The following HIVEP1 variants were observed in gnomAD, a reference collection of about 807,000 sequenced individuals.
HIVEP1 encodes the protein zinc finger protein 40.
A neutral mutation model predicts 180.0 loss-of-function variants in HIVEP1; 36 were observed. The ratio of observed to expected loss-of-function variants is 0.20; its 90% CI spans 0.15 to 0.26. The LOEUF (loss-of-function observed/expected upper bound fraction) is 0.26, where lower values mean the gene tolerates loss of function less well. HIVEP1 is among the 10% of genes least tolerant of loss of function. The probability of loss-of-function intolerance (pLI) is 1.00; values close to 1 mark genes in which losing one functional copy is unlikely to be tolerated. For synonymous variants in HIVEP1, 1,239 were observed against 1,239.0 expected (o/e 1.00, Z 0.00); for missense variants, 3,143 against 3,268.7 (o/e 0.96, Z 0.94).
intron 2 of HIVEP1, among the ~76,000 whole-genome samples, chr6:12,034,164 G>A (rs1292315886): frequency 2.0e-5 from 3 of 152,182 alleles, no homozygotes; most frequent in African/African-American, 7.2e-5. Context: ...TTTAGCACCT[G>A]CATTTTTTTG....
At chr6:12,014,251 T>G (rs1183165946) in intron 1 of HIVEP1, among the ~76,000 whole-genome samples, 2 of 152,234 alleles carry the variant, frequency 1.3e-5, no homozygotes, top group Non-Finnish European at 2.9e-5. Flanking sequence ...CATGACTTGC[T>G]GCGCCTCTTG....
the HIVEP1 span, among the ~76,000 whole-genome samples, chr6:12,203,156 A>G: frequency 6.6e-6 from 1 of 152,214 alleles, no homozygotes; most frequent in Non-Finnish European, 1.5e-5. Flanking sequence ...TGGTGGGAGA[A>G]GGATCTGACA....
chr6:12,023,328 G>T (rs1768372265), intron 2 of HIVEP1, among the ~76,000 whole-genome samples: 1 of 152,202 alleles, frequency 6.6e-6, no homozygotes, highest in African/African-American at 2.4e-5. Context: ...AGTGGAGTAG[G>T]TTTAATTTTG....
At chr6:12,017,579 C>G (rs971809185) in intron 2 of HIVEP1, among the ~76,000 whole-genome samples, 3 of 152,192 alleles carry the variant, frequency 2.0e-5, no homozygotes, top group Non-Finnish European at 1.5e-5. Context: ...CCCGTCTGGC[C>G]CCACCCACAT....
chr6:12,088,984 C>A (rs1773284162), intron 2 of HIVEP1, among the ~76,000 whole-genome samples, 200 bp from the exon 3 acceptor site: 2 of 151,982 alleles, frequency 1.3e-5, no homozygotes, highest in African/African-American at 4.8e-5. Flanking sequence ...TGGAAATAGT[C>A]CTTGTGACTA....
At position 12,121,803 on chromosome 6, in the gene HIVEP1, A is replaced by C. The variant is rs1485141663; in HGVS notation, c.2008A>C (p.Ser670Arg). 2 of 1,614,182 alleles carry C rather than the reference A, an allele frequency of 1.2e-6. No homozygotes were observed. The highest frequency in any genetic ancestry group is 2.2e-5 in the South Asian group (2 of 91,080). Residue 670 changes from serine (S) to arginine (R), a missense_variant, in exon 4 of 9, where the codon AGT (serine) becomes CGT (arginine). Around this residue, in one of 12 missense-constraint regions of HIVEP1, gnomAD observed 365 missense variants for 344.4 expected, o/e 1.06. Transcript: ENST00000379388. The surrounding 1 kb of genome is among the most constrained non-coding windows in gnomAD (Gnocchi z 5.3). Reference protein sequence around the residue: ...GKLLSPRSLGSTDSGYFSRSE... With the variant: ...GKLLSPRSLGRTDSGYFSRSE... The stretch of plus-strand genomic sequence containing the variant: ...GCTCCTGAGTCCTCGAAGTTTAGGA[A>C]GTACGGATTCTGGTTACTTTTCACG...
intron 5 of HIVEP1, among the ~76,000 whole-genome samples, chr6:12,130,467 G>A (rs1279687068): frequency 6.6e-6 from 1 of 152,118 alleles, no homozygotes; most frequent in Non-Finnish European, 1.5e-5. Flanking sequence ...GAGCCCGGGA[G>A]GTTGAGGCTT....
chr6:12,069,806 T>G (rs1771848380), intron 2 of HIVEP1, among the ~76,000 whole-genome samples: 1 of 151,986 alleles, frequency 6.6e-6, no homozygotes, highest in African/African-American at 2.4e-5. Context: ...AACCTTTTAA[T>G]TTTTAACTTT....
At chr6:12,159,697 C>T (rs947747669) in intron 7 of HIVEP1, among the ~76,000 whole-genome samples, 1 of 152,316 alleles carries the variant, frequency 6.6e-6, no homozygotes, top group East Asian at 1.9e-4. Context: ...CCCCTAGAGC[C>T]AGTCAATACT....
At chr6:12,175,776 T>C in the HIVEP1 span, among the ~76,000 whole-genome samples, 2 of 152,148 alleles carry the variant, frequency 1.3e-5, no homozygotes. Context: ...GTGCATTCAC[T>C]AAGGGAGGAT....
chr6:12,196,190 G>A, the HIVEP1 span, among the ~76,000 whole-genome samples: 4 of 152,214 alleles, frequency 2.6e-5, no homozygotes, highest in Admixed American at 2.6e-4. Context: ...ATATTCCCAT[G>A]TTTAGCTGAT....
chr6:12,008,421 G>C (rs1767113206), upstream of HIVEP1: 3 of 152,194 alleles, frequency 2.0e-5, no homozygotes, highest in South Asian at 4.1e-4. Context: ...TAATGTAGGA[G>C]GCCTCCCGCT....
chr6:12,041,901 C>A (rs1487447455), intron 2 of HIVEP1, among the ~76,000 whole-genome samples: 13 of 151,790 alleles, frequency 8.6e-5, no homozygotes, highest in Admixed American at 8.5e-4. Flanking sequence ...CCTTGTGATC[C>A]GCCCGCCTTG....
intron 2 of HIVEP1, among the ~76,000 whole-genome samples, chr6:12,074,689 C>T (rs71551290): frequency 0.15 from 23,208 of 150,098 alleles, 2,360 homozygotes; most frequent in Non-Finnish European, 0.23. Flanking sequence ...AGAGGCTGTA[C>T]GCTGGTCATG....
the HIVEP1 span, among the ~76,000 whole-genome samples, chr6:12,185,435 G>A: frequency 6.6e-6 from 1 of 152,224 alleles, no homozygotes; most frequent in Non-Finnish European, 1.5e-5. Flanking sequence ...ATTTCTGGCA[G>A]AGAAGGGCTA....
downstream of HIVEP1, among the ~76,000 whole-genome samples, chr6:12,166,360 G>A (rs1044821089): frequency 6.6e-6 from 1 of 152,068 alleles, no homozygotes; most frequent in Non-Finnish European, 1.5e-5. Context: ...TATACTTAAA[G>A]ACAAGTGTTA....
At chr6:12,183,757 C>A in the HIVEP1 span, among the ~76,000 whole-genome samples, 1 of 151,982 alleles carries the variant, frequency 6.6e-6, no homozygotes, top group Admixed American at 6.6e-5. Context: ...TATATAAGCC[C>A]AAATTAACTA....
At chr6:12,044,435 C>T (rs576214223) in intron 2 of HIVEP1, among the ~76,000 whole-genome samples, 2 of 152,178 alleles carry the variant, frequency 1.3e-5, no homozygotes, top group Non-Finnish European at 2.9e-5. Flanking sequence ...CCTTTCCCCA[C>T]CCCTCACCAT....
rs535869296 is a variant in HIVEP1 at position 12,083,220 on chromosome 6, TTAATA to T, written c.41-5956_41-5952del. Among the ~76,000 whole-genome samples, 13 of 152,272 alleles carry T rather than the reference TTAATA, an allele frequency of 8.5e-5. No individual in the cohort carries two copies. The East Asian group carries it at 1.5e-3, about 18-fold the overall frequency. On this transcript the variant is annotated intron_variant, in intron 2 of 8. Transcript: ENST00000379388. ...GCAAAATGTTTAGAATTATGTCTTT[TTAATA>T]TAATATATGTTGAGCATTTTCCATC...
Sources: allele counts gnomAD v4.1 joint callset (sites outside exome capture counted in the v4.1 genomes callset), GRCh38; gene constraint gnomAD v4.1.1; regional missense constraint gnomAD v4.1.1; non-coding constraint Gnocchi (gnomAD v3.1); transcripts MANE v1.5; gene names NCBI Gene and HGNC (gene_info 2026-07-23, HGNC 2026-07-21).